Variants in LDHC observed in about 807,000 individuals in gnomAD.
LDHC encodes lactate dehydrogenase C.
In LDHC, 20 loss-of-function variants were observed where a neutral mutation model predicts 30.2. The ratio of observed to expected loss-of-function variants is 0.66; its 90% confidence interval spans 0.47 to 0.96. The LOEUF is 0.96. LDHC is among the 40% of genes least tolerant of loss of function. The probability of loss-of-function intolerance (pLI) is 0.00; values close to 1 mark genes in which losing one functional copy is unlikely to be tolerated. For missense variants in LDHC, 362 were observed against 394.9 expected, an observed-to-expected ratio of 0.92 and a Z score of 0.71; for synonymous variants, 139 against 132.7, an observed-to-expected ratio of 1.05 and a Z score of -0.32.
At chr11:18,413,171 T>G (rs143387254) in intron 2 of LDHC, among the ~76,000 whole-genome samples, 1,545 of 151,968 alleles carry the variant, frequency 0.01, 28 homozygotes, top group African/African-American at 0.036. Context: ...AACCTCCACC[T>G]CCCGGGATCA....
At chr11:18,418,176 A>G (rs768787717) in intron 3 of LDHC, among the ~76,000 whole-genome samples, 2 of 151,266 alleles carry the variant, frequency 1.3e-5, no homozygotes, top group Non-Finnish European at 2.9e-5. Flanking sequence ...TTTACCAAAC[A>G]TTTCTTTCAC....
At chr11:18,450,387 A>G in intron 7 of LDHC, 1 of 153,220 alleles carries the variant, frequency 6.5e-6, no homozygotes. Flanking sequence ...GGAGTACAGA[A>G]GGGCAGGAGT....
At chr11:18,445,804 C>G (rs1848544340) in intron 6 of LDHC, among the ~76,000 whole-genome samples, 1 of 152,026 alleles carries the variant, frequency 6.6e-6, no homozygotes, top group Admixed American at 6.6e-5. Context: ...AACCCTGTAT[C>G]TACAAAGAAC....
chr11:18,423,170 CA>C (rs1306717455), intron 3 of LDHC, among the ~76,000 whole-genome samples: 4 of 151,834 alleles, frequency 2.6e-5, no homozygotes, highest in South Asian at 2.1e-4. Flanking sequence ...GCTAAAAATA[CA>C]AAAAATTAGC....
intron 3 of LDHC, among the ~76,000 whole-genome samples, chr11:18,427,905 G>A (rs1346082127): frequency 6.6e-6 from 1 of 152,006 alleles, no homozygotes; most frequent in Non-Finnish European, 1.5e-5. Context: ...TTGAACTCCT[G>A]ACCTCAAGTG....
intron 3 of LDHC, among the ~76,000 whole-genome samples, chr11:18,420,641 TAAAAAAAAAAAAA>T (rs11321502): frequency 1.4e-5 from 1 of 72,354 alleles, no homozygotes; most frequent in African/African-American, 5.7e-5. Context: ...TCTTGTCTCT[TAAAAAAAAAAAAA>T]AAAAAAAAAA....
intron 3 of LDHC, among the ~76,000 whole-genome samples, chr11:18,428,997 GA>G (rs1205729683): frequency 6.6e-6 from 1 of 151,496 alleles, no homozygotes; most frequent in African/African-American, 2.4e-5. Flanking sequence ...GGTGGGTCAA[GA>G]ACTTGTTTGT....
chr11:18,428,899 C>G (rs1848213516), intron 3 of LDHC, among the ~76,000 whole-genome samples: 1 of 150,244 alleles, frequency 6.7e-6, no homozygotes, highest in African/African-American at 2.4e-5. Flanking sequence ...AAAAGAAGAC[C>G]AGTATGAGTT....
intron 4 of LDHC, among the ~76,000 whole-genome samples, chr11:18,434,097 C>T (rs562974792): frequency 6.6e-6 from 1 of 152,206 alleles, no homozygotes; most frequent in South Asian, 2.1e-4. Context: ...AGTTCTATTG[C>T]TGAGACTTTC....
chr11:18,420,291 T>C (rs182580210), intron 3 of LDHC, among the ~76,000 whole-genome samples: 1 of 152,224 alleles, frequency 6.6e-6, no homozygotes, highest in Admixed American at 6.5e-5. Flanking sequence ...CTGAAAAATA[T>C]CAACCCACAG....
At chr11:18,443,460 C>CTTT (rs34546967) in intron 6 of LDHC, among the ~76,000 whole-genome samples, 7 of 135,742 alleles carry the variant, frequency 5.2e-5, no homozygotes, top group East Asian at 2.1e-4. Flanking sequence ...TTCTTTCTTT[C>CTTT]TTTTTTTTTT....
At chr11:18,449,897 C>T (rs575847824) in intron 7 of LDHC, among the ~76,000 whole-genome samples, 13 of 152,248 alleles carry the variant, frequency 8.5e-5, no homozygotes, top group East Asian at 5.8e-4. Flanking sequence ...CTTCCTTCAA[C>T]GCCATTCCTG....
chr11:18,421,755 T>C (rs1471901345), intron 3 of LDHC, among the ~76,000 whole-genome samples: 1 of 152,154 alleles, frequency 6.6e-6, no homozygotes, highest in African/African-American at 2.4e-5. Context: ...ATGATCCTCC[T>C]GCCTCACTCA....
At chr11:18,419,201 T>TTA (rs1254326094) in intron 3 of LDHC, among the ~76,000 whole-genome samples, 1 of 152,192 alleles carries the variant, frequency 6.6e-6, no homozygotes, top group African/African-American at 2.4e-5. Context: ...AACTCTGCTC[T>TTA]TACAGTGCAA....
Position 18,432,878 on chromosome 11 carries a change from T to G in LDHC, c.419-1862T>G, listed in dbSNP as rs559085109. On this transcript the variant is annotated intron_variant, in intron 4 of 7. Coordinates refer to ENST00000541669, the MANE Select transcript of LDHC (RefSeq NM_017448.5). ...AGGTGAGTCTACTGAAGACAGCAGA[T>G]AGTTGGTTGATTAGTTCTTATCCAT... Among the ~76,000 whole-genome samples the G allele has an allele frequency of 1.3e-4, 20 of 152,332 alleles. No individual in the cohort carries two copies. The East Asian group carries it at 3.5e-3, about 26-fold the overall frequency.
At chr11:18,437,017 T>A (rs1327479958) in intron 5 of LDHC, among the ~76,000 whole-genome samples, 1 of 152,206 alleles carries the variant, frequency 6.6e-6, no homozygotes, top group African/African-American at 2.4e-5. Context: ...TCCATCTAAT[T>A]TCTTCCCCTG....
At position 18,434,791 on chromosome 11, in the gene LDHC, G is replaced by T; in HGVS notation, c.470G>T (p.Arg157Leu). The change falls in exon 5 of 8, where the codon CGT becomes CTT. Residue 157 changes from arginine (R) to leucine (L), a missense_variant. By Grantham distance (102) the Arg-to-Leu change is moderately radical (BLOSUM62 -2). Coordinates refer to ENST00000541669, the MANE Select transcript of LDHC (RefSeq NM_017448.5). ...VWKISGLPVT[R>L]VIGSGCNLDS... ...AAGATAAGTGGCTTACCTGTAACTC[G>T]TGTAATTGGAAGTGGTTGTAATCTA... 6.2e-7 allele frequency: 1 copy of T among 1,610,062 alleles called. No homozygotes were observed. The highest frequency in any genetic ancestry group is 8.5e-7 in the Non-Finnish European group (1 of 1,176,394).
chr11:18,439,138 G>A (rs141191040), intron 6 of LDHC, among the ~76,000 whole-genome samples: 18 of 152,298 alleles, frequency 1.2e-4, no homozygotes, highest in Non-Finnish European at 1.9e-4. Context: ...AGCTAATGCA[G>A]ATGATCAGAA....
intron 3 of LDHC, among the ~76,000 whole-genome samples, chr11:18,417,753 T>C (rs925829387): frequency 6.6e-6 from 1 of 152,132 alleles, no homozygotes; most frequent in African/African-American, 2.4e-5. Context: ...TTACTTTTCA[T>C]AGAAACAATT....
Sources: allele counts gnomAD v4.1 joint callset (sites outside exome capture counted in the v4.1 genomes callset), GRCh38; gene constraint gnomAD v4.1.1; transcripts MANE v1.5; gene names NCBI Gene and HGNC (gene_info 2026-07-23, HGNC 2026-07-21).